Variants in ACOXL observed in about 807,000 individuals in gnomAD.
ACOXL encodes the protein acyl-coenzyme A oxidase-like protein.
In ACOXL, 70 loss-of-function variants were observed where a neutral mutation model predicts 71.9. The observed-to-expected ratio is 0.97, with a 90% confidence interval of 0.80 to 1.19. The LOEUF is 1.19. ACOXL is among the 50% of genes most tolerant of loss of function. The pLI, the probability that ACOXL is intolerant of heterozygous loss-of-function variation, is 0.00. For missense variants in ACOXL, 703 were observed against 736.3 expected (o/e 0.95, Z 0.52); for synonymous variants, 253 against 281.6 (o/e 0.90, Z 1.02).
intron 9 of ACOXL, among the ~76,000 whole-genome samples, chr2:110,836,987 G>A (rs1008395051): frequency 4.6e-5 from 7 of 152,224 alleles, no homozygotes; most frequent in South Asian, 2.1e-4. Flanking sequence ...AGTTTAAAAC[G>A]TGGAAATTTT....
intron 16 of ACOXL, among the ~76,000 whole-genome samples, chr2:111,084,107 G>A (rs974252695): frequency 6.6e-6 from 1 of 152,022 alleles, no homozygotes; most frequent in African/African-American, 2.4e-5. Context: ...GGGAAGGATC[G>A]CTTGAGCCCA....
intron 12 of ACOXL, among the ~76,000 whole-genome samples, chr2:110,979,113 G>A (rs113922811): frequency 3.9e-5 from 6 of 152,130 alleles, no homozygotes; most frequent in African/African-American, 1.4e-4. Flanking sequence ...CCGGCCCTGC[G>A]CTAGGGAAGG....
chr2:110,912,095 A>G (rs1171380459), intron 11 of ACOXL, among the ~76,000 whole-genome samples: 2 of 152,100 alleles, frequency 1.3e-5, no homozygotes, highest in African/African-American at 2.4e-5. Flanking sequence ...TAAAATACTT[A>G]AGGATAAATT....
intron 12 of ACOXL, among the ~76,000 whole-genome samples, chr2:110,962,114 A>G (rs1299524483): frequency 6.6e-6 from 1 of 152,206 alleles, no homozygotes; most frequent in Admixed American, 6.5e-5. Context: ...TCATCTGTAA[A>G]ATAGGGATAA....
intron 10 of ACOXL, among the ~76,000 whole-genome samples, chr2:110,884,900 A>G (rs1004442622): frequency 1.3e-5 from 2 of 152,108 alleles, no homozygotes; most frequent in African/African-American, 4.8e-5. Flanking sequence ...ATACAGCAAC[A>G]ATTGAAACTT....
At chr2:110,775,105 T>A (rs1051132572) in intron 2 of ACOXL, among the ~76,000 whole-genome samples, 1 of 152,226 alleles carries the variant, frequency 6.6e-6, no homozygotes, top group East Asian at 1.9e-4. Flanking sequence ...CTGGGATAAC[T>A]GGATATCTAC....
chr2:110,822,622 T>C (rs1688749424), intron 9 of ACOXL, among the ~76,000 whole-genome samples: 1 of 152,238 alleles, frequency 6.6e-6, no homozygotes, highest in South Asian at 2.1e-4. Context: ...TGTTCTTTTA[T>C]CACAGTCTAC....
chr2:110,795,387 G>A (rs777138771), intron 5 of ACOXL, among the ~76,000 whole-genome samples: 30 of 152,156 alleles, frequency 2.0e-4, no homozygotes, highest in Non-Finnish European at 4.1e-4. Context: ...CTGACCACTC[G>A]TAAAGTGCCA....
intron 10 of ACOXL, among the ~76,000 whole-genome samples, chr2:110,900,032 G>A (rs2059162830): frequency 2.0e-5 from 3 of 151,058 alleles, no homozygotes; most frequent in Non-Finnish European, 4.4e-5. Flanking sequence ...CTGGTGTTTT[G>A]GGGAACATAA....
chr2:110,799,269 G>A (rs919514930), intron 7 of ACOXL, among the ~76,000 whole-genome samples, 169 bp downstream of exon 7: 14 of 152,234 alleles, frequency 9.2e-5, no homozygotes, highest in African/African-American at 2.9e-4. Context: ...ATGTAGAACT[G>A]TTCAGGAATG....
chr2:110,887,064 C>CCTG, intron 10 of ACOXL: 1 of 503,854 alleles, frequency 2.0e-6, no homozygotes, highest in South Asian at 3.4e-5. Context: ...CTGTGTATGT[C>CCTG]TCTCCAGGCA....
At chr2:110,982,543 G>A (rs1352476010) in intron 12 of ACOXL, among the ~76,000 whole-genome samples, 2 of 152,112 alleles carry the variant, frequency 1.3e-5, no homozygotes. Context: ...ATCTAAAAGA[G>A]GTAAAGAGTT....
chr2:110,844,214 G>T (rs1304729472), intron 10 of ACOXL, among the ~76,000 whole-genome samples: 1 of 152,216 alleles, frequency 6.6e-6, no homozygotes, highest in Admixed American at 6.5e-5. Flanking sequence ...TTACCGAGGA[G>T]CATGTGACCT....
chr2:110,943,321 A>AAAAG (rs202241757), intron 12 of ACOXL, among the ~76,000 whole-genome samples: 1,749 of 151,894 alleles, frequency 0.012, 43 homozygotes, highest in African/African-American at 0.041. Flanking sequence ...GAGAAAAAGA[A>AAAAG]AAAGAAGGAA....
At chr2:111,062,882 C>T (rs144253485) in intron 16 of ACOXL, among the ~76,000 whole-genome samples, 42 of 152,122 alleles carry the variant, frequency 2.8e-4, no homozygotes, top group African/African-American at 9.6e-4. Context: ...AGAGCTAGAT[C>T]TTTTAAAAGA....
chr2:110,751,298 C>CAAA (rs765632647), intron 1 of ACOXL, among the ~76,000 whole-genome samples: 4 of 43,978 alleles, frequency 9.1e-5, no homozygotes, highest in Admixed American at 2.0e-4. Context: ...GACTCCGTCT[C>CAAA]AAAAAAAAAA....
rs1267159339 is a variant in ACOXL, at chr2:110,768,484, T to C, written c.75+20T>C. The stretch of plus-strand genomic sequence containing the variant: ...GATCTGGTAAGTGTCATTATTATTC[T>C]GGTATGGTTGTGTGTGTGTGTGTGT... On this transcript the variant is annotated intron_variant, in intron 2 of 17. Coordinates refer to ENST00000439055, the MANE Select transcript of ACOXL (RefSeq NM_001142807.4). 6 of 1,599,786 alleles carry C rather than the reference T, an allele frequency of 3.8e-6. No individual in the cohort carries two copies. In the African/African-American group the frequency reaches 8.9e-5, roughly 24 times the overall value.
At chr2:110,968,065 G>A (rs1185571134) in intron 12 of ACOXL, 1 of 1,174,996 alleles carries the variant, frequency 8.5e-7, no homozygotes. Context: ...AGTCTGCGCA[G>A]CATACGCACA....
At chr2:110,785,437 AACCACC>A (rs1289497627) in intron 3 of ACOXL, among the ~76,000 whole-genome samples, 7 of 151,292 alleles carry the variant, frequency 4.6e-5, no homozygotes, top group African/African-American at 9.7e-5. Flanking sequence ...AGATTCATGT[AACCACC>A]ACCACAATCA....
Sources: gnomAD v4.1 joint callset for allele counts (sites outside exome capture counted in the v4.1 genomes callset) on GRCh38, gnomAD v4.1.1 for gene constraint, MANE v1.5 for transcripts, NCBI Gene and HGNC (gene_info 2026-07-23, HGNC 2026-07-21) for gene names.